NASP: variants seen among roughly 807,000 people sequenced by gnomAD.
NASP encodes the protein nuclear autoantigenic sperm protein.
NASP carries 24 observed loss-of-function variants against 89.5 expected under a neutral mutation model. The observed-to-expected ratio is 0.27, with a 90% confidence interval of 0.19 to 0.38. The LOEUF (loss-of-function observed/expected upper bound fraction) is 0.38. Ranked by LOEUF, NASP falls within the 10% of genes least tolerant of loss-of-function variation. NASP has a pLI of 1.00. For synonymous variants in NASP, 306 were observed against 324.7 expected, an observed-to-expected ratio of 0.94 and a Z score of 0.62; for missense variants, 848 against 921.4, an observed-to-expected ratio of 0.92 and a Z score of 1.03.
At chr1:45,609,025 A>G (rs1162108894) in intron 6 of NASP, among the ~76,000 whole-genome samples, 1 of 152,088 alleles carries the variant, frequency 6.6e-6, no homozygotes, top group Non-Finnish European at 1.5e-5. Flanking sequence ...TCCTCATTTC[A>G]TGCTTGCTTC....
chr1:45,586,276 GTGTGTGTGGTGTGTGTGTGTGT>G (rs1314105373), intron 1 of NASP, among the ~76,000 whole-genome samples: 563 of 50,996 alleles, frequency 0.011, 4 homozygotes, highest in Middle Eastern at 0.034. Context: ...GTGTGTGTGT[GTGTGTGTGGTGTGTGTGTGTGT>G]GTGTGTGTGT....
rs1294923427 is a variant in NASP at position 45,607,373 on chromosome 1, A to G, written c.462A>G (p.Lys154=). Residue 154 remains lysine (K), a synonymous_variant, in exon 6 of 15, where the codon AAA becomes AAG. Coordinates refer to ENST00000350030, the MANE Select transcript of NASP (RefSeq NM_002482.4). The part of the protein sequence containing the change: ...REQVYDAMGE[K]EEAKKTEDKS... ...AGGTTTATGACGCCATGGGAGAAAA[A>G]GAAGAAGCCAAAAAAACAGAAGACA... The G allele has an allele frequency of 3.4e-5, 55 of 1,614,060 alleles. No individual in the cohort carries two copies. The highest frequency in any genetic ancestry group is 4.7e-5 in the Non-Finnish European group (55 of 1,179,922).
intron 2 of NASP, among the ~76,000 whole-genome samples, chr1:45,601,366 AGTTGAG>A (rs1269893018): frequency 2.0e-5 from 3 of 152,218 alleles, no homozygotes; most frequent in African/African-American, 7.2e-5. Context: ...ATGAGATAAC[AGTTGAG>A]GTTCACTTTA....
intron 2 of NASP, among the ~76,000 whole-genome samples, chr1:45,599,953 ATTTTT>A (rs11302173): frequency 2.5e-5 from 2 of 79,074 alleles, no homozygotes; most frequent in African/African-American, 5.1e-5. Context: ...TTTCCTCTGT[ATTTTT>A]TTTTTTTTTT....
chr1:45,585,161 G>A (rs1048275763), intron 1 of NASP, among the ~76,000 whole-genome samples: 4 of 152,184 alleles, frequency 2.6e-5, no homozygotes, highest in Admixed American at 2.6e-4. Context: ...TTGAACAGTG[G>A]AGGGAAACAC....
intron 2 of NASP, among the ~76,000 whole-genome samples, chr1:45,592,254 G>A (rs1643568673): frequency 6.6e-6 from 1 of 152,168 alleles, no homozygotes; most frequent in Admixed American, 6.5e-5. Flanking sequence ...CAAAGTGTTG[G>A]GATTACAGGC....
chr1:45,608,274 A>G lies in NASP; in HGVS notation c.1363A>G (p.Lys455Glu), dbSNP rs777015518. Residue 455 changes from lysine to glutamate, a missense_variant, in exon 6 of 15, where the codon AAA (lysine) becomes GAA (glutamate). Lys to Glu is a moderately conservative substitution (Grantham distance 56, BLOSUM62 1). This residue lies in a region of NASP where 464 missense variants were observed against 469.4 expected (regional missense o/e 0.99). Coordinates refer to ENST00000350030, the MANE Select transcript of NASP (RefSeq NM_002482.4). ...QGATEKSPEDKVQIAANEETQ... is the reference protein window; with the variant it reads ...QGATEKSPEDEVQIAANEETQ... Reference sequence around the variant, plus strand: ...AGCTACTGAGAAATCACCTGAAGACAAAGTTCAGATAGCTGCTAATGAAGA... The same window carrying G: ...AGCTACTGAGAAATCACCTGAAGACGAAGTTCAGATAGCTGCTAATGAAGA... 70 of 1,613,686 alleles carry G rather than the reference A, an allele frequency of 4.3e-5. No individual in the cohort carries two copies. Among genetic ancestry groups the G allele is most frequent in the Non-Finnish European group, 5.8e-5 (68 of 1,179,840 alleles).
intron 2 of NASP, chr1:45,600,372 A>C (rs374475060): frequency 7.8e-7 from 1 of 1,274,188 alleles, no homozygotes; most frequent in African/African-American, 1.6e-5. Context: ...TTTGTACTTC[A>C]TTCCCTCCCC....
intron 13 of NASP, 61 bp downstream of exon 13, chr1:45,616,764 T>G (rs546276318): frequency 6.9e-7 from 1 of 1,453,864 alleles, no homozygotes; most frequent in South Asian, 1.1e-5. Context: ...TTAATCCCTT[T>G]CCTATAAACC....
chr1:45,617,367 A>G (rs1644124188), intron 13 of NASP, 96 bp from the exon 14 acceptor site: 1 of 1,412,726 alleles, frequency 7.1e-7, no homozygotes, highest in Non-Finnish European at 9.7e-7. Context: ...CCTGATGTTC[A>G]GGATCTTTGC....
chr1:45,604,404 C>T (rs573858364), intron 3 of NASP, among the ~76,000 whole-genome samples: 4 of 152,272 alleles, frequency 2.6e-5, no homozygotes, highest in African/African-American at 4.8e-5. Flanking sequence ...TTAGTTCTTG[C>T]AATAGCTCTT....
intron 13 of NASP, among the ~76,000 whole-genome samples, chr1:45,617,005 T>C (rs181826823): frequency 1.1e-4 from 16 of 152,244 alleles, no homozygotes; most frequent in Non-Finnish European, 5.9e-5. Flanking sequence ...CCACCACGCC[T>C]GGCTAGTTTT....
At chr1:45,613,305 G>A in intron 7 of NASP, 57 bp downstream of exon 7, 2 of 1,549,370 alleles carry the variant, frequency 1.3e-6, no homozygotes, top group Non-Finnish European at 1.7e-6. Flanking sequence ...TGGGAGACTG[G>A]AGCTCACTCT....
chr1:45,606,626 G>A (rs377538949), intron 5 of NASP, 35 bp downstream of exon 5: 54 of 1,410,676 alleles, frequency 3.8e-5, no homozygotes, highest in African/African-American at 5.6e-5. Flanking sequence ...CAAGAGATGC[G>A]ACGTTGTATA....
chr1:45,588,844 G>C (rs1392220768), intron 1 of NASP: 1 of 246,856 alleles, frequency 4.1e-6, no homozygotes, highest in African/African-American at 2.4e-5. Context: ...GTGAACCCGG[G>C]AGGCGGAGCT....
rs1294823795 is a variant in NASP at position 45,608,351 on chromosome 1, G to A, written c.1426+14G>A. 13 of 1,588,048 alleles carry A rather than the reference G, an allele frequency of 8.2e-6. No individual in the cohort carries two copies. The highest frequency in any genetic ancestry group is 1.1e-5 in the Non-Finnish European group (13 of 1,166,576). Reference sequence around the variant, plus strand: ...AAGAGGGTGAAGGTAACCGGGATATGCAAGAGCTGCAGTGGGTGGAGTACA... The same window carrying A: ...AAGAGGGTGAAGGTAACCGGGATATACAAGAGCTGCAGTGGGTGGAGTACA... On this transcript the variant is annotated intron_variant, in intron 6 of 14. Coordinates refer to ENST00000350030, the MANE Select transcript of NASP (RefSeq NM_002482.4).
At chr1:45,599,015 T>C (rs1643767857) in intron 2 of NASP, among the ~76,000 whole-genome samples, 1 of 152,226 alleles carries the variant, frequency 6.6e-6, no homozygotes, top group Non-Finnish European at 1.5e-5. Flanking sequence ...TTAGCAAATT[T>C]TAAAATAAGT....
At chr1:45,594,053 A>G (rs1272160562) in intron 2 of NASP, among the ~76,000 whole-genome samples, 1 of 151,514 alleles carries the variant, frequency 6.6e-6, no homozygotes, top group Non-Finnish European at 1.5e-5. Flanking sequence ...AAGAAACAAA[A>G]TAGGGCTAGG....
chr1:45,605,051 T>C, intron 4 of NASP, 35 bp downstream of exon 4: 1 of 1,476,594 alleles, frequency 6.8e-7, no homozygotes, highest in Non-Finnish European at 9.5e-7. Flanking sequence ...GAAGTTTCCT[T>C]GTTAAGATTG....
Sources: allele counts gnomAD v4.1 joint callset (sites outside exome capture counted in the v4.1 genomes callset), GRCh38; gene constraint gnomAD v4.1.1; regional missense constraint gnomAD v4.1.1; transcripts MANE v1.5; gene names NCBI Gene and HGNC (gene_info 2026-07-23, HGNC 2026-07-21).